The following SOX6 variants were observed in gnomAD, a reference collection of about 807,000 sequenced individuals.
SOX6 encodes the protein transcription factor SOX-6.
In SOX6, 11 loss-of-function variants were observed where a neutral mutation model predicts 97.8. The ratio of observed to expected loss-of-function variants is 0.11; its 90% confidence interval spans 0.07 to 0.19. SOX6 has a LOEUF of 0.19. Ranked by LOEUF, SOX6 falls within the 10% of genes least tolerant of loss-of-function variation. The pLI, the probability that SOX6 is intolerant of heterozygous loss-of-function variation, is 1.00. For synonymous variants in SOX6, 360 were observed against 371.4 expected (o/e 0.97, Z 0.35); for missense variants, 810 against 1,039.5 (o/e 0.78, Z 3.04).
chr11:16,275,308 G>T (rs11023901), intron 3 of SOX6, among the ~76,000 whole-genome samples: 24,097 of 138,048 alleles, frequency 0.17, 2,401 homozygotes, highest in Admixed American at 0.29. Context: ...AAAAAAAATA[G>T]CCGGGTGTGG....
chr11:16,086,584 G>A (rs1356534202), intron 9 of SOX6, among the ~76,000 whole-genome samples: 1 of 152,104 alleles, frequency 6.6e-6, no homozygotes, highest in Admixed American at 6.5e-5. Flanking sequence ...CATGCTCAGA[G>A]TGCATCCCAG....
intron 3 of SOX6, among the ~76,000 whole-genome samples, chr11:16,682,417 G>A (rs1356670295): frequency 6.6e-6 from 1 of 152,222 alleles, no homozygotes; most frequent in Non-Finnish European, 1.5e-5. Context: ...TCCCTGGGAT[G>A]CAAGGCTGGT....
chr11:16,664,905 C>T (rs1847795539), intron 3 of SOX6, among the ~76,000 whole-genome samples: 1 of 151,902 alleles, frequency 6.6e-6, no homozygotes. Flanking sequence ...GGCCCCCATT[C>T]CAGGCCCTAG....
intron 11 of SOX6, 79 bp from the exon 12 acceptor site, chr11:16,046,780 G>A: frequency 7.2e-7 from 1 of 1,396,740 alleles, no homozygotes. Flanking sequence ...CTCCCCTGTA[G>A]AAAGCTGCAT....
At chr11:16,309,213 T>C (rs758190693) in intron 3 of SOX6, among the ~76,000 whole-genome samples, 1 of 152,146 alleles carries the variant, frequency 6.6e-6, no homozygotes, top group Non-Finnish European at 1.5e-5. Flanking sequence ...AGAAGACAGG[T>C]GCAAGAATCT....
In SOX6 at chr11:16,125,816, T is replaced by TAGGAAGGAAGGAAGGAAGGAAGGAAGGA. The variant is rs3085337; in HGVS notation, c.778-13921_778-13894dup. 1.4e-3 allele frequency among the ~76,000 whole-genome samples: 142 copies of TAGGAAGGAAGGAAGGAAGGAAGGAAGGA among 99,658 alleles called. 1 individual carries two copies. The highest frequency in any genetic ancestry group is 2.8e-3 in the African/African-American group (73 of 26,474). The allele number at this position is 99,658 out of a possible 152,430, so 65.4% of individuals were successfully genotyped here. ...CTTTCACATGTTCTTAAAGAAATCA[T>TAGGAAGGAAGGAAGGAAGGAAGGAAGGA]AGGAAGGAAGGAAGGAAGGAAGGAA... is the stretch of plus-strand genomic sequence containing the variant. On this transcript the variant is annotated intron_variant, in intron 6 of 15. Coordinates refer to ENST00000683767, the MANE Select transcript of SOX6 (RefSeq NM_001367873.1).
At chr11:16,211,252 G>T (rs1852219522) in intron 4 of SOX6, among the ~76,000 whole-genome samples, 1 of 152,002 alleles carries the variant, frequency 6.6e-6, no homozygotes, top group Non-Finnish European at 1.5e-5. Context: ...TACATTAGAG[G>T]GTTTTTGAGC....
At chr11:16,097,866 T>C (rs900817941) in intron 7 of SOX6, among the ~76,000 whole-genome samples, 178 bp from the exon 8 acceptor site, 1 of 151,796 alleles carries the variant, frequency 6.6e-6, no homozygotes, top group Non-Finnish European at 1.5e-5. Flanking sequence ...AACTTTTTGT[T>C]AACAGATAGC....
chr11:16,093,922 C>T (rs1357868414), intron 9 of SOX6, among the ~76,000 whole-genome samples: 1 of 151,860 alleles, frequency 6.6e-6, no homozygotes, highest in African/African-American at 2.4e-5. Flanking sequence ...ACATGCTATA[C>T]TCATACTAGG....
intron 13 of SOX6, among the ~76,000 whole-genome samples, chr11:16,003,944 CTG>C (rs1234303463): frequency 6.6e-6 from 1 of 151,602 alleles, no homozygotes; most frequent in Non-Finnish European, 1.5e-5. Flanking sequence ...TAAGGCATGT[CTG>C]AGATTTTTGG....
At chr11:16,602,632 G>A (rs892306916) in intron 4 of SOX6, among the ~76,000 whole-genome samples, 6 of 152,182 alleles carry the variant, frequency 3.9e-5, no homozygotes, top group Non-Finnish European at 8.8e-5. Flanking sequence ...TTACAAGAAA[G>A]TGAAATATTT....
At chr11:16,264,885 A>C (rs915741623) in intron 3 of SOX6, 1 of 147,226 alleles carries the variant, frequency 6.8e-6, no homozygotes, top group South Asian at 2.2e-4. Context: ...AAAAACTTTG[A>C]GAAATAAGGT....
chr11:16,505,396 A>G (rs1326305811), intron 4 of SOX6, among the ~76,000 whole-genome samples: 3 of 152,226 alleles, frequency 2.0e-5, no homozygotes, highest in Non-Finnish European at 4.4e-5. Flanking sequence ...AAAGCATTCA[A>G]GATGTGGCCT....
At chr11:16,376,245 T>C (rs1857640222) in intron 1 of SOX6, among the ~76,000 whole-genome samples, 2 of 152,136 alleles carry the variant, frequency 1.3e-5, no homozygotes. Flanking sequence ...ATACCTAATG[T>C]GATTTCTTTT....
At chr11:16,515,696 C>A (rs1312489468) in intron 4 of SOX6, among the ~76,000 whole-genome samples, 1 of 122,570 alleles carries the variant, frequency 8.2e-6, no homozygotes, top group Non-Finnish European at 1.7e-5. Flanking sequence ...ACGTTTAAGT[C>A]TTTAATCCAT....
intron 12 of SOX6, among the ~76,000 whole-genome samples, chr11:16,038,976 CTGTTT>C (rs1855585569): frequency 6.6e-6 from 1 of 152,050 alleles, no homozygotes; most frequent in Non-Finnish European, 1.5e-5. Flanking sequence ...TTCTGAGAAG[CTGTTT>C]TGTTTATGTT....
chr11:16,323,886 T>A (rs1482303080), intron 2 of SOX6, among the ~76,000 whole-genome samples: 1 of 151,758 alleles, frequency 6.6e-6, no homozygotes, highest in Non-Finnish European at 1.5e-5. Context: ...ATCAAATATG[T>A]CAAAAATAAT....
Position 16,504,587 on chromosome 11 carries a change from A to C in SOX6, n.610-28199T>G, listed in dbSNP as rs376870666. ...TGATGGAAAAAAAAATGAAGAGGAC[A>C]CAAAAAAATAGAAAGACATCCCATG... On this transcript the variant is annotated intron_variant and non_coding_transcript_variant, in intron 4 of 5. Transcript: ENST00000524520. 1.6e-4 allele frequency among the ~76,000 whole-genome samples: 24 copies of C among 152,270 alleles called. No individual in the cohort carries two copies. In the East Asian group the frequency reaches 3.7e-3, roughly 23 times the overall value.
At chr11:16,139,507 C>A (rs548843987) in intron 6 of SOX6, among the ~76,000 whole-genome samples, 1 of 152,200 alleles carries the variant, frequency 6.6e-6, no homozygotes, top group Non-Finnish European at 1.5e-5. Flanking sequence ...ATTTTTGATG[C>A]CTAAATTGCA....
Sources: allele counts gnomAD v4.1 joint callset (sites outside exome capture counted in the v4.1 genomes callset), GRCh38; gene constraint gnomAD v4.1.1; transcripts MANE v1.5; gene names NCBI Gene and HGNC (gene_info 2026-07-23, HGNC 2026-07-21).